Variants in FMN1 observed in about 807,000 individuals in gnomAD.
The protein encoded by FMN1 is formin 1.
A neutral mutation model predicts 132.4 loss-of-function variants in FMN1; 110 were observed. The ratio of observed to expected loss-of-function variants is 0.83; its 90% CI spans 0.71 to 0.97. The LOEUF is 0.97. Among genes scored for constraint, FMN1 ranks in the 50% least tolerant of loss-of-function variants. The pLI is 0.00. For synonymous variants in FMN1, 722 were observed against 651.7 expected (o/e 1.11, Z -1.64); for missense variants, 1,792 against 1,705.3 (o/e 1.05, Z -0.90).
intron 5 of FMN1, among the ~76,000 whole-genome samples, chr15:33,082,473 T>G (rs969454861): frequency 1.5e-4 from 23 of 152,196 alleles, no homozygotes. Flanking sequence ...TTTAGGGTCT[T>G]TTCTACCCAC....
At chr15:32,897,615 T>C (rs769935644) in intron 15 of FMN1, among the ~76,000 whole-genome samples, 1 of 152,150 alleles carries the variant, frequency 6.6e-6, no homozygotes, top group Non-Finnish European at 1.5e-5. Flanking sequence ...AGCAAGGTTG[T>C]AAAAGATTGG....
At chr15:32,910,371 G>A in intron 11 of FMN1, 103 bp downstream of exon 11, 1 of 902,772 alleles carries the variant, frequency 1.1e-6, no homozygotes, top group South Asian at 1.5e-5. Flanking sequence ...TCTCTTCCAG[G>A]CCACGTCAAA....
chr15:33,069,598 A>C (rs998188527), intron 5 of FMN1, among the ~76,000 whole-genome samples: 2 of 152,218 alleles, frequency 1.3e-5, no homozygotes, highest in African/African-American at 4.8e-5. Flanking sequence ...TTCAGTACTA[A>C]AAACAATCTA....
chr15:32,958,564 A>T lies in FMN1; in HGVS notation c.3138+5543T>A, dbSNP rs148870218. Among the ~76,000 whole-genome samples, 104 of 152,170 alleles carry T rather than the reference A, an allele frequency of 6.8e-4. 1 individual carries two copies. The East Asian group carries it at 0.018, about 26-fold the overall frequency. On this transcript the variant is annotated intron_variant, in intron 9 of 20. Coordinates refer to ENST00000616417, the MANE Select transcript of FMN1 (RefSeq NM_001277313.2). Reference sequence around the variant, plus strand: ...TTTGAGAAGATATACATACATACATACATACATACATACATACATACATAC... The same window carrying T: ...TTTGAGAAGATATACATACATACATTCATACATACATACATACATACATAC...
intron 9 of FMN1, among the ~76,000 whole-genome samples, chr15:32,959,488 G>A (rs1053477831): frequency 4.0e-4 from 61 of 152,264 alleles, no homozygotes; most frequent in African/African-American, 1.4e-3. Context: ...AGGACACAAA[G>A]CTCACTGAAA....
chr15:32,793,341 G>A lies in FMN1; in HGVS notation c.4130+5463C>T, dbSNP rs145213425. Among the ~76,000 whole-genome samples the A allele has an allele frequency of 5.1e-3, 771 of 151,724 alleles. 10 individuals carry two copies. The Middle Eastern group carries it at 0.052, about 10-fold the overall frequency. The stretch of plus-strand genomic sequence containing the variant: ...GTTGCCCAGGCTGGAGTGCAGTGGC[G>A]CGATCTCGGCTCACTGCAACCTTCG... On this transcript the variant is annotated intron_variant, in intron 19 of 20. Coordinates refer to ENST00000616417, the MANE Select transcript of FMN1 (RefSeq NM_001277313.2).
chr15:33,015,017 C>T (rs902964811), intron 6 of FMN1, among the ~76,000 whole-genome samples: 8 of 152,230 alleles, frequency 5.3e-5, no homozygotes, highest in African/African-American at 1.7e-4. Context: ...TAGACCCTAT[C>T]ATATCGAGAC....
chr15:33,024,182 G>A (rs1399102677), intron 6 of FMN1, among the ~76,000 whole-genome samples: 4 of 143,986 alleles, frequency 2.8e-5, no homozygotes, highest in African/African-American at 1.0e-4. Flanking sequence ...TCAGGACAGC[G>A]CAAATTAAAA....
chr15:32,840,175 C>T (rs1413204038), intron 17 of FMN1, among the ~76,000 whole-genome samples: 1 of 152,186 alleles, frequency 6.6e-6, no homozygotes, highest in African/African-American at 2.4e-5. Context: ...AACTTGGCCT[C>T]CTCTTGCCAC....
At chr15:33,160,517 A>G (rs1964846308) in intron 3 of FMN1, among the ~76,000 whole-genome samples, 2 of 152,188 alleles carry the variant, frequency 1.3e-5, no homozygotes, top group South Asian at 4.1e-4. Context: ...CATATTTTTC[A>G]TCCAAGAAAC....
chr15:32,976,328 G>A (rs892263537), intron 7 of FMN1, among the ~76,000 whole-genome samples: 3 of 152,156 alleles, frequency 2.0e-5, no homozygotes, highest in Admixed American at 1.3e-4. Flanking sequence ...AAAATGCCTC[G>A]AAGGAATGGG....
chr15:32,853,849 TTG>T (rs2059065156), intron 17 of FMN1, among the ~76,000 whole-genome samples: 1 of 152,186 alleles, frequency 6.6e-6, no homozygotes, highest in South Asian at 2.1e-4. Context: ...GGGGGCTAGC[TTG>T]TGAAACTCTG....
At chr15:32,776,680 A>C (rs1472132725) in intron 20 of FMN1, among the ~76,000 whole-genome samples, 155 bp downstream of exon 20, 2 of 147,812 alleles carry the variant, frequency 1.4e-5, no homozygotes, top group Admixed American at 6.8e-5. Flanking sequence ...ACCTCCACCC[A>C]CACATACTTT....
intron 2 of FMN1, among the ~76,000 whole-genome samples, chr15:33,190,074 A>G (rs952296870): frequency 1.4e-4 from 21 of 152,228 alleles, no homozygotes; most frequent in Non-Finnish European, 2.6e-4. Context: ...ACATTTAAAC[A>G]TAACAATGTT....
intron 7 of FMN1, among the ~76,000 whole-genome samples, chr15:32,979,923 A>T (rs1239195268): frequency 6.6e-6 from 1 of 152,234 alleles, no homozygotes; most frequent in African/African-American, 2.4e-5. Flanking sequence ...TTCATTACTT[A>T]AACAAATGAC....
intron 6 of FMN1, among the ~76,000 whole-genome samples, chr15:33,023,181 T>A (rs1393111580): frequency 6.7e-6 from 1 of 150,360 alleles, no homozygotes; most frequent in African/African-American, 2.5e-5. Flanking sequence ...TACGCTATTA[T>A]AAGAGCGACT....
At position 32,919,978 on chromosome 15, in the gene FMN1, A is replaced by T. The variant is rs528560537; in HGVS notation, c.3226+6196T>A. Among the ~76,000 whole-genome samples, 8 of 152,350 alleles carry T rather than the reference A, an allele frequency of 5.3e-5. No individual in the cohort carries two copies. In the South Asian group the frequency reaches 1.7e-3, roughly 32 times the overall value. On this transcript the variant is annotated intron_variant, in intron 10 of 20. Coordinates refer to ENST00000616417, the MANE Select transcript of FMN1 (RefSeq NM_001277313.2). ...CAAACAGAAAGAAAGCCAATGTTGC[A>T]GCTGATCTCTCAAACTGACGTTCTG...
chr15:32,951,655 C>T (rs183744608), intron 9 of FMN1, among the ~76,000 whole-genome samples: 1 of 152,302 alleles, frequency 6.6e-6, no homozygotes, highest in East Asian at 1.9e-4. Context: ...ATAGTGAAAG[C>T]ACCATTGATG....
chr15:32,939,547 A>G (rs1373873147), intron 9 of FMN1, among the ~76,000 whole-genome samples: 1 of 152,186 alleles, frequency 6.6e-6, no homozygotes, highest in Non-Finnish European at 1.5e-5. Flanking sequence ...AACGTAATTT[A>G]TGTTGAACCA....
Sources: allele counts gnomAD v4.1 joint callset (sites outside exome capture counted in the v4.1 genomes callset), GRCh38; gene constraint gnomAD v4.1.1; transcripts MANE v1.5; gene names NCBI Gene and HGNC (gene_info 2026-07-23, HGNC 2026-07-21).